Variants in PLCG2 observed in about 807,000 individuals in gnomAD.
The protein encoded by PLCG2 is 1-phosphatidylinositol 4,5-bisphosphate phosphodiesterase gamma-2.
Under a neutral mutation model 175.6 loss-of-function variants are expected in PLCG2, and 69 were observed. The ratio of observed to expected loss-of-function variants is 0.39; its 90% CI spans 0.32 to 0.48. PLCG2 has a LOEUF of 0.48. PLCG2 is among the 20% of genes least tolerant of loss of function. PLCG2 has a pLI of 0.91. For missense variants in PLCG2, 1,798 were observed against 1,650.9 expected (o/e 1.09, Z -1.54); for synonymous variants, 827 against 624.0 (o/e 1.33, Z -4.85).
chr16:81,748,414 A>C (rs1438435707), intron 1 of PLCG2, among the ~76,000 whole-genome samples: 1 of 152,122 alleles, frequency 6.6e-6, no homozygotes, highest in Non-Finnish European at 1.5e-5. Context: ...AAAAAAAAAA[A>C]AATGAAAAAA....
intron 7 of PLCG2, among the ~76,000 whole-genome samples, chr16:81,878,116 G>C (rs905861812): frequency 6.6e-6 from 1 of 151,062 alleles, no homozygotes; most frequent in Non-Finnish European, 1.5e-5. Flanking sequence ...CGAGTAGCTG[G>C]GGACTACAGG....
intron 2 of PLCG2, among the ~76,000 whole-genome samples, chr16:81,837,046 AC>A (rs1416864041): frequency 1.3e-5 from 2 of 152,220 alleles, no homozygotes; most frequent in African/African-American, 4.8e-5. Flanking sequence ...AACATCAGTT[AC>A]AACTCTAGAA....
intron 29 of PLCG2, among the ~76,000 whole-genome samples, chr16:81,939,135 C>G (rs1047719134): frequency 6.6e-6 from 1 of 152,108 alleles, no homozygotes; most frequent in African/African-American, 2.4e-5. Flanking sequence ...GCCTGTAACT[C>G]AAGTCCGGAA....
Position 81,946,252 on chromosome 16 carries a change from C to A in PLCG2, c.3559C>A (p.Arg1187=). 3 of 1,612,702 alleles carry A rather than the reference C, an allele frequency of 1.9e-6. No individual in the cohort carries two copies. Among genetic ancestry groups the A allele is most frequent in the Non-Finnish European group, 2.5e-6 (3 of 1,178,764 alleles). The change falls in exon 31 of 33, where the codon CGG becomes AGG. Residue 1187 remains arginine, a synonymous_variant. Coordinates refer to ENST00000564138, the MANE Select transcript of PLCG2 (RefSeq NM_002661.5). ...TTCCCTCCTGGTTTTCTGTGAGATG[C>A]GGCCAGTCCTGGTGAGTGGAGAAAC... is the stretch of plus-strand genomic sequence containing the variant. The part of the protein sequence containing the change: ...LASLLVFCEM[R]PVLESEEELY...
intron 2 of PLCG2, among the ~76,000 whole-genome samples, chr16:81,832,747 C>G (rs1264104563): frequency 6.6e-6 from 1 of 152,188 alleles, no homozygotes. Flanking sequence ...GGTATGATAT[C>G]CAGTTGACTG....
In PLCG2 at chr16:81,958,235, T is replaced by C; in HGVS notation, c.*237T>C. On this transcript the variant is annotated 3_prime_UTR_variant, in exon 33 of 33. Transcript: ENST00000564138. ...TTATAGAGGATTCCCCAAAATGTGC[T>C]CCTCATTTTTGGCCTCTCATGTTCC... The C allele has an allele frequency of 1.9e-6, 1 of 529,372 alleles. No homozygotes were observed. The highest frequency in any genetic ancestry group is 3.2e-5 in the Admixed American group (1 of 30,934). The allele number at this position is 529,372 out of a possible 1,614,324, so 32.8% of individuals were successfully genotyped here.
rs773630068 is a variant in PLCG2, at chr16:81,883,226, G to T, written c.693-43G>T. ...GGCATCTCCTCTCGACTCCTCTGTTGAATGTGTCTGTCTCTAACTGCACCC... is the reference window on the plus strand; with the variant it reads ...GGCATCTCCTCTCGACTCCTCTGTTTAATGTGTCTGTCTCTAACTGCACCC... On this transcript the variant is annotated intron_variant, in intron 8 of 32. Coordinates refer to ENST00000564138, the MANE Select transcript of PLCG2 (RefSeq NM_002661.5). The T allele has an allele frequency of 2.5e-6, 4 of 1,569,394 alleles. No homozygotes were observed. In the Admixed American group the frequency reaches 5.0e-5, roughly 20 times the overall value.
At chr16:81,805,783 G>GTTTTTTTTTTTTTTTTTTTTTTT (rs35014411) in intron 2 of PLCG2, among the ~76,000 whole-genome samples, 3 of 82,932 alleles carry the variant, frequency 3.6e-5, no homozygotes, top group African/African-American at 1.1e-4. Flanking sequence ...TTTTTTTTTT[G>GTTTTTTTTTTTTTTTTTTTTTTT]TTTTTTTTTT....
At chr16:81,873,952 A>G (rs1907643550) in intron 7 of PLCG2, among the ~76,000 whole-genome samples, 1 of 152,098 alleles carries the variant, frequency 6.6e-6, no homozygotes, top group Non-Finnish European at 1.5e-5. Context: ...TGAGGGAGAA[A>G]CATAAATTGG....
At chr16:81,887,664 A>G (rs999597306) in intron 9 of PLCG2, among the ~76,000 whole-genome samples, 1 of 152,194 alleles carries the variant, frequency 6.6e-6, no homozygotes, top group African/African-American at 2.4e-5. Flanking sequence ...CGGACATTGC[A>G]TCCAGCCCTT....
At chr16:81,765,448 T>G (rs926623949) in intron 2 of PLCG2, among the ~76,000 whole-genome samples, 3 of 152,276 alleles carry the variant, frequency 2.0e-5, no homozygotes. Flanking sequence ...CTGGGCTACA[T>G]GATGAAACCC....
upstream of PLCG2, among the ~76,000 whole-genome samples, chr16:81,778,040 A>ACAAACAAACAAAC (rs1267022375): frequency 5.6e-5 from 5 of 88,638 alleles, no homozygotes; most frequent in African/African-American, 2.9e-4. Flanking sequence ...AACAAAAAAA[A>ACAAACAAACAAAC]AACAAAAAAA....
At chr16:81,778,186 G>T (rs568167928), upstream of PLCG2, among the ~76,000 whole-genome samples, 1 of 152,134 alleles carries the variant, frequency 6.6e-6, no homozygotes, top group Non-Finnish European at 1.5e-5. Context: ...GAACAGCCTG[G>T]GACACATAGT....
At chr16:81,939,173 G>A (rs970559986) in intron 29 of PLCG2, among the ~76,000 whole-genome samples, 2 of 152,084 alleles carry the variant, frequency 1.3e-5, no homozygotes, top group Non-Finnish European at 1.5e-5. Context: ...ACACTAGGTT[G>A]GTCCTCTCTG....
chr16:81,793,159 C>T (rs183995672), intron 2 of PLCG2, among the ~76,000 whole-genome samples: 1 of 152,304 alleles, frequency 6.6e-6, no homozygotes, highest in Admixed American at 6.5e-5. Context: ...CTCCAGGTTC[C>T]CTATTGCTTT....
At chr16:81,895,150 G>A (rs1908826057) in intron 12 of PLCG2, among the ~76,000 whole-genome samples, 1 of 152,214 alleles carries the variant, frequency 6.6e-6, no homozygotes, top group African/African-American at 2.4e-5. Flanking sequence ...ATATTACTGT[G>A]AACCTTTACA....
intron 19 of PLCG2, among the ~76,000 whole-genome samples, chr16:81,918,190 C>G (rs972786972): frequency 1.3e-5 from 2 of 152,112 alleles, no homozygotes; most frequent in Non-Finnish European, 2.9e-5. Flanking sequence ...TATGTAGAAG[C>G]CTCTTAGTTT....
intron 1 of PLCG2, among the ~76,000 whole-genome samples, chr16:81,750,422 CAA>C (rs35697599): frequency 5.7e-4 from 63 of 110,008 alleles, no homozygotes; most frequent in East Asian, 1.1e-3. Context: ...GACTCTGTCT[CAA>C]AAAAAAAAAA....
At chr16:81,860,165 T>C (rs1193664758) in intron 5 of PLCG2, among the ~76,000 whole-genome samples, 1 of 100,170 alleles carries the variant, frequency 1.0e-5, no homozygotes, top group Non-Finnish European at 2.3e-5. Context: ...TTATTATTAT[T>C]ATTATTATTT....
Sources: allele counts gnomAD v4.1 joint callset (sites outside exome capture counted in the v4.1 genomes callset), GRCh38; gene constraint gnomAD v4.1.1; transcripts MANE v1.5; gene names NCBI Gene and HGNC (gene_info 2026-07-23, HGNC 2026-07-21).